Variants in RBFOX1 observed in about 807,000 individuals in gnomAD.
RBFOX1 encodes the protein RNA binding protein fox-1 homolog 1.
In RBFOX1, 8 loss-of-function variants were observed where a neutral mutation model predicts 57.7. The observed-to-expected ratio is 0.14, with a 90% CI of 0.08 to 0.25. The LOEUF is 0.25. RBFOX1 is among the 10% of genes least tolerant of loss of function. RBFOX1 has a pLI of 1.00. For synonymous variants in RBFOX1, 326 were observed against 222.4 expected (o/e 1.47, Z -4.15); for missense variants, 611 against 548.5 (o/e 1.11, Z -1.14).
intron 2 of RBFOX1, among the ~76,000 whole-genome samples, chr16:5,567,538 G>A (rs1349370520): frequency 1.4e-5 from 2 of 144,250 alleles, no homozygotes; most frequent in Non-Finnish European, 3.0e-5. Flanking sequence ...CAGGTTTTTT[G>A]TACTAGGCTT....
chr16:7,421,614 G>T (rs530736332), intron 4 of RBFOX1, among the ~76,000 whole-genome samples: 1 of 152,314 alleles, frequency 6.6e-6, no homozygotes, highest in Admixed American at 6.5e-5. Flanking sequence ...GACTGCCGAG[G>T]CCCCCAGTTG....
chr16:7,612,505 A>C lies in RBFOX1; in HGVS notation c.676+5167A>C, dbSNP rs1212121852. On this transcript the variant is annotated intron_variant, in intron 10 of 15. Coordinates refer to ENST00000550418, the MANE Select transcript of RBFOX1 (RefSeq NM_018723.4). ...CCCAGTAGCAGGCCTCATGTTATCT[A>C]GTGTAGTTAAAAATAGTGTTTCCAA... Among the ~76,000 whole-genome samples the C allele has an allele frequency of 8.6e-5, 13 of 151,892 alleles. No individual in the cohort carries two copies. The East Asian group carries it at 2.3e-3, about 27-fold the overall frequency.
intron 4 of RBFOX1, among the ~76,000 whole-genome samples, chr16:7,490,196 C>T (rs8055816): frequency 0.37 from 55,720 of 152,068 alleles, 12,690 homozygotes; most frequent in Non-Finnish European, 0.52. Context: ...GTTTTCCCCC[C>T]CTTGTTCAAG....
intron 4 of RBFOX1, among the ~76,000 whole-genome samples, chr16:7,317,870 T>C (rs1348491759): frequency 6.6e-6 from 1 of 152,040 alleles, no homozygotes; most frequent in African/African-American, 2.4e-5. Flanking sequence ...TTGTTAGGAG[T>C]ATGGCACGAG....
rs914167486 is a variant in RBFOX1 at position 5,270,354 on chromosome 16, G to T, written c.219+30249G>T. On this transcript the variant is annotated intron_variant, in intron 1 of 2. Transcript: ENST00000585867. ...CGAGGAACCCAAATTGCATCTGATG[G>T]TCTCAAGGGTCTTGTGTTTGAAGTG... 2.1e-5 allele frequency: 22 copies of T among 1,071,628 alleles called. No individual in the cohort carries two copies. The Admixed American group carries it at 2.6e-4, about 13-fold the overall frequency. The allele number at this position is 1,071,628 out of a possible 1,614,324, so 66.4% of individuals were successfully genotyped here. A position where few individuals can be genotyped will look rare whatever the true frequency, so the allele number is the denominator to read the frequency against.
At chr16:6,768,981 G>C (rs527876644) in intron 3 of RBFOX1, among the ~76,000 whole-genome samples, 1 of 152,006 alleles carries the variant, frequency 6.6e-6, no homozygotes, top group Non-Finnish European at 1.5e-5. Context: ...CCTGCCTCGG[G>C]CTCCCAAAGT....
intron 4 of RBFOX1, among the ~76,000 whole-genome samples, chr16:7,399,164 C>A (rs967217151): frequency 7.2e-5 from 11 of 152,278 alleles, no homozygotes; most frequent in Middle Eastern, 6.8e-3. Flanking sequence ...AAAGCAATGT[C>A]GGGCCAGGTG....
chr16:5,710,480 C>A, intron 3 of RBFOX1, among the ~76,000 whole-genome samples: 1 of 152,150 alleles, frequency 6.6e-6, no homozygotes, highest in African/African-American at 2.4e-5. Flanking sequence ...TATGCTAACA[C>A]AAGTCACAAT....
intron 3 of RBFOX1, among the ~76,000 whole-genome samples, chr16:6,804,666 C>G (rs1433077829): frequency 1.3e-5 from 2 of 152,118 alleles, no homozygotes; most frequent in African/African-American, 2.4e-5. Flanking sequence ...ATTAGAACAG[C>G]CAACTTTCTA....
chr16:5,246,621 C>A (rs1266222590), intron 1 of RBFOX1, among the ~76,000 whole-genome samples: 1 of 152,150 alleles, frequency 6.6e-6, no homozygotes, highest in Non-Finnish European at 1.5e-5. Flanking sequence ...CCCACCCTGA[C>A]AACCATCATT....
intron 3 of RBFOX1, among the ~76,000 whole-genome samples, chr16:6,892,103 CGTT>C (rs1299319356): frequency 6.6e-6 from 1 of 152,138 alleles, no homozygotes; most frequent in Non-Finnish European, 1.5e-5. Context: ...CTTTACAGCA[CGTT>C]GACTCTTACC....
intron 3 of RBFOX1, among the ~76,000 whole-genome samples, chr16:7,001,657 A>G (rs1016227278): frequency 6.6e-6 from 1 of 151,902 alleles, no homozygotes; most frequent in Non-Finnish European, 1.5e-5. Flanking sequence ...GGGTTTCACC[A>G]TGTTGGCCAG....
At chr16:6,974,411 CTCAGTTCACTGCAACT>C (rs2086326840) in intron 3 of RBFOX1, among the ~76,000 whole-genome samples, 1 of 122,166 alleles carries the variant, frequency 8.2e-6, no homozygotes, top group Non-Finnish European at 1.6e-5. Context: ...ATGGTACAAT[CTCAGTTCACTGCAACT>C]TTCGCCTCCC....
chr16:6,517,249 G>C (rs2096398391), intron 2 of RBFOX1, among the ~76,000 whole-genome samples: 1 of 152,082 alleles, frequency 6.6e-6, no homozygotes, highest in Non-Finnish European at 1.5e-5. Context: ...CTCGCATTTT[G>C]ACATCACCCA....
At chr16:7,062,003 A>T (rs1416220659) in intron 4 of RBFOX1, among the ~76,000 whole-genome samples, 1 of 152,112 alleles carries the variant, frequency 6.6e-6, no homozygotes, top group Non-Finnish European at 1.5e-5. Flanking sequence ...GATGCAGACA[A>T]ACCTGAGATG....
chr16:6,973,466 T>C (rs2086051549), intron 3 of RBFOX1, among the ~76,000 whole-genome samples: 2 of 152,188 alleles, frequency 1.3e-5, no homozygotes, highest in African/African-American at 4.8e-5. Flanking sequence ...AATAGACTGT[T>C]GTGGACCCAA....
At chr16:5,486,330 G>A (rs373399127) in intron 2 of RBFOX1, among the ~76,000 whole-genome samples, 29 of 152,194 alleles carry the variant, frequency 1.9e-4, no homozygotes, top group Non-Finnish European at 3.7e-4. Flanking sequence ...GTAGCTTCCT[G>A]TTCTCCATCT....
intron 1 of RBFOX1, among the ~76,000 whole-genome samples, chr16:6,031,455 A>G (rs1169954564): frequency 1.3e-5 from 2 of 152,200 alleles, no homozygotes; most frequent in Admixed American, 6.5e-5. Flanking sequence ...CTTTATAAGC[A>G]TATTCAAGAT....
intron 4 of RBFOX1, among the ~76,000 whole-genome samples, chr16:7,129,663 G>A (rs73542985): frequency 6.6e-6 from 1 of 152,050 alleles, no homozygotes; most frequent in East Asian, 1.9e-4. Context: ...TAGGAAGAGG[G>A]GCCTTGCAGA....
Sources: allele counts gnomAD v4.1 joint callset (sites outside exome capture counted in the v4.1 genomes callset), GRCh38; gene constraint gnomAD v4.1.1; transcripts MANE v1.5; gene names NCBI Gene and HGNC (gene_info 2026-07-23, HGNC 2026-07-21).